CELF4: variants seen among roughly 807,000 people sequenced by gnomAD.
CELF4 encodes the protein CUG-BP- and ETR-3-like factor 4.
A neutral mutation model predicts 59.9 loss-of-function variants in CELF4; 18 were observed. The observed-to-expected ratio is 0.30, with a 90% confidence interval of 0.21 to 0.45. The LOEUF (loss-of-function observed/expected upper bound fraction) is 0.45. Ranked by LOEUF, CELF4 falls within the 20% of genes least tolerant of loss-of-function variation. CELF4 has a pLI of 1.00. For missense variants in CELF4, 456 were observed against 689.0 expected, an observed-to-expected ratio of 0.66 and a Z score of 3.79; for synonymous variants, 261 against 267.1, an observed-to-expected ratio of 0.98 and a Z score of 0.22.
At chr18:37,555,675 C>T (rs527726593) in intron 1 of CELF4, among the ~76,000 whole-genome samples, 28 of 152,282 alleles carry the variant, frequency 1.8e-4, no homozygotes, top group African/African-American at 2.6e-4. Context: ...GATATCTATA[C>T]GCTGACCTTT....
intron 2 of CELF4, among the ~76,000 whole-genome samples, chr18:37,397,000 AGC>A (rs2099253099): frequency 6.6e-6 from 1 of 152,086 alleles, no homozygotes; most frequent in Non-Finnish European, 1.5e-5. Context: ...ATTTTGGCCA[AGC>A]TATTGGTGTG....
At chr18:37,346,276 T>A (rs1334656305) in intron 2 of CELF4, among the ~76,000 whole-genome samples, 1 of 152,064 alleles carries the variant, frequency 6.6e-6, no homozygotes, top group Non-Finnish European at 1.5e-5. Flanking sequence ...AATGTGCATA[T>A]CCCTTGGGAG....
intron 1 of CELF4, among the ~76,000 whole-genome samples, chr18:37,497,976 G>C (rs2099927091): frequency 6.6e-6 from 1 of 152,152 alleles, no homozygotes; most frequent in African/African-American, 2.4e-5. Flanking sequence ...TGTGTGAGAT[G>C]GGTAGGCTGC....
rs12607531 is a variant in CELF4 at position 37,508,596 on chromosome 18, C to T, written c.287-22989G>A. ...ATAGGTAGGGCATGCCTGTTCTCCA[C>T]GCTGACAAATGCCACAGGTGCAGCT... On this transcript the variant is annotated intron_variant, in intron 1 of 12. Coordinates refer to ENST00000420428, the MANE Select transcript of CELF4 (RefSeq NM_020180.4). 3.4e-3 allele frequency among the ~76,000 whole-genome samples: 519 copies of T among 152,280 alleles called. 2 individuals are homozygous for T. Among genetic ancestry groups the T allele is most frequent in the African/African-American group, 0.012 (484 of 41,542 alleles).
chr18:37,475,993 T>A (rs114213277), intron 2 of CELF4, among the ~76,000 whole-genome samples: 1 of 152,350 alleles, frequency 6.6e-6, no homozygotes, highest in African/African-American at 2.4e-5. Context: ...AGCCATTCTA[T>A]ATTTTTATTA....
intron 1 of CELF4, among the ~76,000 whole-genome samples, chr18:37,524,069 G>A (rs1569569748): frequency 6.6e-6 from 1 of 152,266 alleles, no homozygotes; most frequent in Admixed American, 6.5e-5. Flanking sequence ...GAGCCTCCAA[G>A]GAGGTTAGAT....
At chr18:37,396,998 C>A (rs1450585415) in intron 2 of CELF4, among the ~76,000 whole-genome samples, 1 of 152,160 alleles carries the variant, frequency 6.6e-6, no homozygotes, top group Non-Finnish European at 1.5e-5. Flanking sequence ...TCATTTTGGC[C>A]AAGCTATTGG....
At chr18:37,379,212 G>A (rs2099007161) in intron 2 of CELF4, among the ~76,000 whole-genome samples, 1 of 152,164 alleles carries the variant, frequency 6.6e-6, no homozygotes. Flanking sequence ...AGGATTGGAT[G>A]AGAGCAGGGA....
chr18:37,466,156 A>T (rs1381067442), intron 2 of CELF4, among the ~76,000 whole-genome samples: 1 of 152,224 alleles, frequency 6.6e-6, no homozygotes, highest in Non-Finnish European at 1.5e-5. Flanking sequence ...AGCTGCCTAA[A>T]GCCAAGCGCG....
intron 2 of CELF4, among the ~76,000 whole-genome samples, chr18:37,474,502 A>AGT (rs2099843200): frequency 6.6e-6 from 1 of 152,220 alleles, no homozygotes. Flanking sequence ...CCACAGGGTT[A>AGT]GTGCCCTAGG....
At chr18:37,378,722 G>A (rs1306699564) in intron 2 of CELF4, among the ~76,000 whole-genome samples, 1 of 152,178 alleles carries the variant, frequency 6.6e-6, no homozygotes, top group Admixed American at 6.5e-5. Context: ...TGGGAAAGCC[G>A]GTCTGAGCTG....
At chr18:37,415,114 C>T (rs767161139) in intron 2 of CELF4, among the ~76,000 whole-genome samples, 51 of 152,136 alleles carry the variant, frequency 3.4e-4, no homozygotes, top group Admixed American at 2.0e-3. Flanking sequence ...ATATGTCTGT[C>T]AGGCAGGATC....
At chr18:37,524,746 T>A (rs1016415854) in intron 1 of CELF4, among the ~76,000 whole-genome samples, 11 of 152,100 alleles carry the variant, frequency 7.2e-5, no homozygotes, top group Non-Finnish European at 7.4e-5. Context: ...CAGCCCCTGC[T>A]CCCCAGCCGA....
At chr18:37,264,898 G>A (rs1320642147) in intron 9 of CELF4, 141 bp from the exon 10 acceptor site, 2 of 662,776 alleles carry the variant, frequency 3.0e-6, no homozygotes, top group Non-Finnish European at 5.3e-6. Flanking sequence ...GACAAAGCCA[G>A]CTTTCAGTTC....
intron 2 of CELF4, among the ~76,000 whole-genome samples, chr18:37,380,792 A>AATCCATCC (rs56181705): frequency 0.016 from 2,172 of 134,864 alleles, 51 homozygotes; most frequent in African/African-American, 0.031. Context: ...TTTCTCCATG[A>AATCCATCC]ATCCATCCAT....
intron 2 of CELF4, among the ~76,000 whole-genome samples, chr18:37,375,008 C>T (rs902131114): frequency 1.3e-5 from 2 of 152,104 alleles, no homozygotes; most frequent in Admixed American, 6.5e-5. Context: ...TGTGGTGTGT[C>T]GGCCTGTCTG....
At chr18:37,536,511 C>A (rs2099973635) in intron 1 of CELF4, among the ~76,000 whole-genome samples, 1 of 152,226 alleles carries the variant, frequency 6.6e-6, no homozygotes, top group Non-Finnish European at 1.5e-5. Context: ...ATGCAGGGCA[C>A]CTGTGTGCTG....
intron 3 of CELF4, among the ~76,000 whole-genome samples, chr18:37,320,662 C>A (rs2097080017): frequency 6.6e-6 from 1 of 152,186 alleles, no homozygotes; most frequent in Non-Finnish European, 1.5e-5. Flanking sequence ...TGGCCCCCTT[C>A]TCCGGGGAAG....
At chr18:37,385,225 G>C (rs989895189) in intron 2 of CELF4, among the ~76,000 whole-genome samples, 1 of 152,000 alleles carries the variant, frequency 6.6e-6, no homozygotes, top group Non-Finnish European at 1.5e-5. Context: ...GCATGTGCCT[G>C]TAATCCCAGC....
Sources: gnomAD v4.1 joint callset for allele counts (sites outside exome capture counted in the v4.1 genomes callset) on GRCh38, gnomAD v4.1.1 for gene constraint, MANE v1.5 for transcripts, NCBI Gene and HGNC (gene_info 2026-07-23, HGNC 2026-07-21) for gene names.